ZDHHC15: variants seen among roughly 807,000 people sequenced by gnomAD.
The protein encoded by ZDHHC15 is zDHHC palmitoyltransferase 15, also known as palmitoyltransferase ZDHHC15.
In ZDHHC15, 19 loss-of-function variants were observed where a neutral mutation model predicts 31.7. The observed-to-expected ratio is 0.60, with a 90% CI of 0.42 to 0.88. The LOEUF (loss-of-function observed/expected upper bound fraction) is 0.88. Among genes scored for constraint, ZDHHC15 ranks in the 40% least tolerant of loss-of-function variants. The probability of loss-of-function intolerance (pLI) is 0.00; values close to 1 mark genes in which losing one functional copy is unlikely to be tolerated. For synonymous variants in ZDHHC15, 103 were observed against 90.0 expected, an observed-to-expected ratio of 1.14 and a Z score of -0.82; for missense variants, 209 against 251.2, an observed-to-expected ratio of 0.83 and a Z score of 1.14.
At chrX:75,458,461 T>C (rs1468661234) in intron 3 of ZDHHC15, among the ~76,000 whole-genome samples, 1 of 112,006 alleles carries the variant, frequency 8.9e-6, no homozygotes, top group African/African-American at 3.2e-5. Context: ...AGAGTCTGTA[T>C]GTTATACTTC....
intron 10 of ZDHHC15, among the ~76,000 whole-genome samples, chrX:75,388,142 A>G: frequency 8.9e-6 from 1 of 112,399 alleles, no homozygotes; most frequent in East Asian, 2.8e-4. Context: ...CGGATAAACA[A>G]AAGCTGAGAG....
chrX:75,489,658 A>C (rs186022010), intron 2 of ZDHHC15, among the ~76,000 whole-genome samples: 1 of 111,939 alleles, frequency 8.9e-6, no homozygotes, highest in East Asian at 2.8e-4. Flanking sequence ...GAGCAGAAAA[A>C]CTGAAAACTC....
intron 11 of ZDHHC15, among the ~76,000 whole-genome samples, chrX:75,378,906 G>A (rs1322024982): frequency 1.1e-4 from 12 of 111,644 alleles, no homozygotes; most frequent in Non-Finnish European, 2.3e-4. Context: ...AGTGACATAA[G>A]TGTGAGTTTG....
At position 75,513,759 on chromosome X, in the gene ZDHHC15, A is replaced by G. The variant is rs188685007; in HGVS notation, c.137-7912T>C. 1.2e-3 allele frequency among the ~76,000 whole-genome samples: 131 copies of G among 111,679 alleles called. 7 individuals are homozygous for G. In the Admixed American group the frequency reaches 0.012, roughly 10 times the overall value. On this transcript the variant is annotated intron_variant, in intron 1 of 11. Coordinates refer to ENST00000373367, the MANE Select transcript of ZDHHC15 (RefSeq NM_144969.3). ...AAAATATGAATCTAAACATCCAAGA[A>G]GTGCAATGAACTCCAAATAGAATAA...
rs2083010553 is a variant in ZDHHC15 at position 75,372,060 on chromosome X, AC to A, written c.*917del. 1 of 111,542 alleles carries A rather than the reference AC, an allele frequency of 9.0e-6. No homozygotes were observed. The highest frequency in any genetic ancestry group is 1.9e-5 in the Non-Finnish European group (1 of 53,054). 9.2% of individuals were successfully genotyped at this position (111,542 alleles called of 1,213,427 possible). On this transcript the variant is annotated 3_prime_UTR_variant, in exon 12 of 12. Coordinates refer to ENST00000373367, the MANE Select transcript of ZDHHC15 (RefSeq NM_144969.3). ...ATTAAACCTGAAAATCACTCTGAAAACCCTTAACAAAACCTATGGGCCATAA... is the reference window on the plus strand; with the variant it reads ...ATTAAACCTGAAAATCACTCTGAAAACCTTAACAAAACCTATGGGCCATAA...
intron 4 of ZDHHC15, among the ~76,000 whole-genome samples, chrX:75,434,485 C>T (rs867600786): frequency 1.8e-5 from 2 of 111,912 alleles, no homozygotes; most frequent in African/African-American, 6.5e-5. Context: ...TTTAAGTCTT[C>T]GATCCAACTT....
chrX:75,424,208 G>A (rs1422425815), intron 8 of ZDHHC15, among the ~76,000 whole-genome samples: 1 of 110,079 alleles, frequency 9.1e-6, no homozygotes, highest in Non-Finnish European at 1.9e-5. Context: ...TTCTTGTTGT[G>A]GTTGGTTTGG....
intron 10 of ZDHHC15, among the ~76,000 whole-genome samples, chrX:75,406,054 C>A (rs1054053146): frequency 1.8e-5 from 2 of 111,336 alleles, no homozygotes; most frequent in African/African-American, 6.5e-5. Context: ...TAAGATGAAC[C>A]CTGGAACCTG....
chrX:75,412,862 C>G (rs2083501484), intron 10 of ZDHHC15, among the ~76,000 whole-genome samples: 2 of 111,959 alleles, frequency 1.8e-5, no homozygotes, highest in Admixed American at 1.9e-4. Context: ...TGTGTGGATT[C>G]TAAGACAAAG....
intron 1 of ZDHHC15, among the ~76,000 whole-genome samples, chrX:75,509,524 C>T (rs767651308): frequency 8.9e-6 from 1 of 111,826 alleles, no homozygotes; most frequent in East Asian, 2.8e-4. Context: ...GAGATAAGCA[C>T]TCACTTACAA....
chrX:75,412,130 G>C (rs1257089351), intron 10 of ZDHHC15, among the ~76,000 whole-genome samples: 1 of 111,827 alleles, frequency 8.9e-6, no homozygotes, highest in Non-Finnish European at 1.9e-5. Context: ...GATAACTAAC[G>C]TTGGTGAGGA....
intron 4 of ZDHHC15, among the ~76,000 whole-genome samples, chrX:75,433,606 A>G (rs755011486): frequency 1.8e-5 from 2 of 108,484 alleles, no homozygotes; most frequent in Non-Finnish European, 3.8e-5. Flanking sequence ...GAATGCCATG[A>G]TTTTGTTCCC....
chrX:75,384,989 T>C (rs1253879061), intron 10 of ZDHHC15, among the ~76,000 whole-genome samples: 2 of 112,276 alleles, frequency 1.8e-5, no homozygotes, highest in Non-Finnish European at 3.8e-5. Flanking sequence ...AAGTACTTTC[T>C]TTGAGGTAGA....
intron 10 of ZDHHC15, among the ~76,000 whole-genome samples, chrX:75,412,913 G>A (rs1162136519): frequency 6.3e-5 from 7 of 111,596 alleles, no homozygotes; most frequent in Non-Finnish European, 9.4e-5. Context: ...AGGCAGGCAG[G>A]GTTGGGGGAA....
chrX:75,413,817 C>T (rs776972316), intron 10 of ZDHHC15, among the ~76,000 whole-genome samples: 4 of 110,120 alleles, frequency 3.6e-5, no homozygotes, highest in East Asian at 5.7e-4. Flanking sequence ...TCCCAGCCCC[C>T]GACCCCGAGA....
Position 75,372,000 on chromosome X carries a change from A to G in ZDHHC15, c.*978T>C, listed in dbSNP as rs2083009740. 1 of 112,122 alleles carries G rather than the reference A, an allele frequency of 8.9e-6. No individual in the cohort carries two copies. The highest frequency in any genetic ancestry group is 3.7e-4 in the South Asian group (1 of 2,695). 9.2% of individuals were successfully genotyped at this position (112,122 alleles called of 1,213,427 possible). On this transcript the variant is annotated 3_prime_UTR_variant, in exon 12 of 12. Transcript: ENST00000373367. ...TAGTGCTAATCCTCAGGCTAATGTC[A>G]GCTGTGAAACTTTACCCTTATGAAA...
At chrX:75,437,984 T>G (rs1055004655) in intron 4 of ZDHHC15, among the ~76,000 whole-genome samples, 69 of 111,020 alleles carry the variant, frequency 6.2e-4, no homozygotes, top group Non-Finnish European at 1.2e-3. Flanking sequence ...GAACAGACAC[T>G]TCTCAAAAGA....
chrX:75,521,838 G>C (rs1325391702), intron 1 of ZDHHC15, among the ~76,000 whole-genome samples: 1 of 111,601 alleles, frequency 9.0e-6, no homozygotes, highest in Non-Finnish European at 1.9e-5. Flanking sequence ...AGAATGTGGG[G>C]CTAAAAGTGA....
intron 10 of ZDHHC15, among the ~76,000 whole-genome samples, chrX:75,392,163 A>C (rs192955291): frequency 1.8e-5 from 2 of 112,421 alleles, no homozygotes; most frequent in African/African-American, 6.5e-5. Context: ...ACAAGGTCTC[A>C]AAATAGGCTG....
Sources: allele counts gnomAD v4.1 joint callset (sites outside exome capture counted in the v4.1 genomes callset), GRCh38; gene constraint gnomAD v4.1.1; transcripts MANE v1.5; gene names NCBI Gene and HGNC (gene_info 2026-07-23, HGNC 2026-07-21).